Variants in STON1 observed in about 807,000 individuals in gnomAD.
STON1 encodes stonin 1.
Under a neutral mutation model 60.9 loss-of-function variants are expected in STON1, and 79 were observed. The observed-to-expected ratio is 1.30, with a 90% CI of 1.08 to 1.56. STON1 has a LOEUF of 1.56. Ranked by LOEUF, STON1 falls within the 40% of genes most tolerant of loss-of-function variation. The probability of loss-of-function intolerance (pLI) is 0.00; values close to 1 mark genes in which losing one functional copy is unlikely to be tolerated. For missense variants in STON1, 1,166 were observed against 858.9 expected (o/e 1.36, Z -4.47); for synonymous variants, 363 against 306.9 (o/e 1.18, Z -1.91).
At chr2:48,557,028 C>T (rs1165942167) in intron 1 of STON1, among the ~76,000 whole-genome samples, 9 of 98,726 alleles carry the variant, frequency 9.1e-5, no homozygotes, top group Non-Finnish European at 2.1e-5. Flanking sequence ...GGGGGCTGAC[C>T]CCCCACCTCC....
chr2:48,580,432 A>G (rs1225267768), intron 1 of STON1, among the ~76,000 whole-genome samples, 155 bp from the exon 2 acceptor site: 3 of 150,758 alleles, frequency 2.0e-5, no homozygotes, highest in Non-Finnish European at 4.4e-5. Context: ...AGTACCTTAT[A>G]GACAGCATAC....
chr2:48,558,148 G>A (rs1397431090), intron 1 of STON1, among the ~76,000 whole-genome samples: 7 of 152,198 alleles, frequency 4.6e-5, no homozygotes, highest in Admixed American at 1.3e-4. Context: ...GCTTGAACCC[G>A]GGAGGCAGAG....
chr2:48,548,494 CTTTT>C (rs371507131), intron 1 of STON1, among the ~76,000 whole-genome samples: 1 of 146,606 alleles, frequency 6.8e-6, no homozygotes, highest in African/African-American at 2.5e-5. Context: ...TTTCATTTTT[CTTTT>C]TTTTTTTCTT....
chr2:48,532,081 T>A (rs1671233576), intron 1 of STON1, among the ~76,000 whole-genome samples: 1 of 151,782 alleles, frequency 6.6e-6, no homozygotes, highest in Non-Finnish European at 1.5e-5. Context: ...GGGCACGGGG[T>A]TCATGCCTAT....
chr2:48,561,781 G>A (rs1413087740), intron 1 of STON1, among the ~76,000 whole-genome samples: 1 of 152,186 alleles, frequency 6.6e-6, no homozygotes, highest in Non-Finnish European at 1.5e-5. Context: ...AGTCCTGGGT[G>A]GTGGTAATGA....
chr2:48,530,719 C>T (rs1229383537), intron 1 of STON1: 3 of 152,424 alleles, frequency 2.0e-5, no homozygotes, highest in East Asian at 1.9e-4. Context: ...TCAGCTCGGA[C>T]CTTAGCCTGT....
chr2:48,552,065 G>C (rs780850881), intron 1 of STON1, among the ~76,000 whole-genome samples: 5 of 152,228 alleles, frequency 3.3e-5, no homozygotes, highest in African/African-American at 4.8e-5. Context: ...CCAGTGATCT[G>C]TTGCTGCAGA....
chr2:48,581,916 C>G lies in STON1; in HGVS notation c.1283C>G (p.Thr428Arg). The G allele has an allele frequency of 1.2e-6, 2 of 1,613,988 alleles. No homozygotes were observed. Among genetic ancestry groups the G allele is most frequent in the Non-Finnish European group, 1.7e-6 (2 of 1,179,994 alleles). ...EIVDNFWGKV[T>R]KEGKFVESAV... Reference sequence around the variant, plus strand: ...GTGGACAACTTTTGGGGTAAAGTCACAAAAGAAGGAAAATTTGTTGAAAGT... The same window carrying G: ...GTGGACAACTTTTGGGGTAAAGTCAGAAAAGAAGGAAAATTTGTTGAAAGT... Residue 428 changes from threonine (T) to arginine (R), a missense_variant, in exon 2 of 4, where the codon ACA (threonine) becomes AGA (arginine). Physicochemically the swap from Thr to Arg is moderately conservative, Grantham distance 71 (BLOSUM62 -1). Transcript: ENST00000404752.
Position 48,582,943 on chromosome 2 carries a change from C to T in STON1, c.1930+380C>T, listed in dbSNP as rs541644145. ...TAATTAATCTCTAAAGATCTGTCAT[C>T]CATGAATATACCTGAACTTCTTTGC... On this transcript the variant is annotated intron_variant, in intron 2 of 3. Transcript: ENST00000404752. Among the ~76,000 whole-genome samples the T allele has an allele frequency of 2.6e-3, 394 of 152,330 alleles. 1 individual carries two copies. Among genetic ancestry groups the T allele is most frequent in the Non-Finnish European group, 4.1e-3 (281 of 68,036 alleles).
intron 1 of STON1, among the ~76,000 whole-genome samples, chr2:48,575,759 GT>G (rs535300380): frequency 0.29 from 32,074 of 111,414 alleles, 4,457 homozygotes; most frequent in Non-Finnish European, 0.32. Flanking sequence ...GTTTTTGTTT[GT>G]TTTTTTTTTT....
intron 1 of STON1, among the ~76,000 whole-genome samples, chr2:48,539,488 G>A (rs1671570545): frequency 6.6e-6 from 1 of 151,948 alleles, no homozygotes; most frequent in African/African-American, 2.4e-5. Context: ...ACCCATGTGT[G>A]GTGTTATGAT....
chr2:48,566,846 G>A (rs1270252067), intron 1 of STON1, among the ~76,000 whole-genome samples: 1 of 152,158 alleles, frequency 6.6e-6, no homozygotes, highest in Admixed American at 6.5e-5. Flanking sequence ...GTGGTGGTGT[G>A]GCCTCGAGCC....
In STON1 at chr2:48,587,179, A is replaced by T. The variant is rs529321055; in HGVS notation, c.1931-4474A>T. ...TGTTGATGTTTATAAAGGCTCATGCAGCCGGGGTTGAGAACTACTGACGTG... is the reference window on the plus strand; with the variant it reads ...TGTTGATGTTTATAAAGGCTCATGCTGCCGGGGTTGAGAACTACTGACGTG... On this transcript the variant is annotated intron_variant, in intron 2 of 3. Coordinates refer to ENST00000404752, the MANE Select transcript of STON1 (RefSeq NM_006873.4). Among the ~76,000 whole-genome samples, 326 of 152,358 alleles carry T rather than the reference A, an allele frequency of 2.1e-3. 1 individual carries two copies. Among genetic ancestry groups the T allele is most frequent in the African/African-American group, 7.4e-3 (307 of 41,584 alleles).
At chr2:48,570,597 A>G (rs2103867952) in intron 1 of STON1, among the ~76,000 whole-genome samples, 1 of 152,282 alleles carries the variant, frequency 6.6e-6, no homozygotes, top group South Asian at 2.1e-4. Flanking sequence ...GTTGCAAACC[A>G]TTGTATACTA....
intron 1 of STON1, among the ~76,000 whole-genome samples, chr2:48,533,245 G>A (rs1671286434): frequency 6.6e-6 from 1 of 152,022 alleles, no homozygotes; most frequent in Non-Finnish European, 1.5e-5. Flanking sequence ...AGGTGGGCAT[G>A]GTGGCGGGCA....
At chr2:48,564,454 TCTTCTTCTTCTTCTTCTTCTTCTTC>T (rs1558604257) in intron 1 of STON1, among the ~76,000 whole-genome samples, 1 of 53,998 alleles carries the variant, frequency 1.9e-5, no homozygotes, top group African/African-American at 6.9e-5. Flanking sequence ...TTCTTCTTCT[TCTTCTTCTTCTTCTTCTTCTTCTTC>T]TTTCTTCTTC....
intron 1 of STON1, among the ~76,000 whole-genome samples, chr2:48,553,281 C>T (rs1198622039): frequency 6.6e-6 from 1 of 152,018 alleles, no homozygotes; most frequent in African/African-American, 2.4e-5. Flanking sequence ...CCTTGGAAAA[C>T]CTCCGGCCTG....
rs1435680547 is a variant in STON1, at chr2:48,581,848, A to G, written c.1215A>G (p.Lys405=). 9.9e-6 allele frequency: 16 copies of G among 1,614,168 alleles called. No individual in the cohort carries two copies. Among genetic ancestry groups the G allele is most frequent in the Non-Finnish European group, 1.4e-5 (16 of 1,180,034 alleles). ...EELMKLPAVS[K]PKKNYEEQEI... The stretch of plus-strand genomic sequence containing the variant: ...TGATGAAGTTGCCAGCTGTTTCAAA[A>G]CCAAAAAAGAACTACGAGGAGCAAG... Residue 405 remains lysine, a synonymous_variant, in exon 2 of 4, where the codon AAA becomes AAG. Transcript: ENST00000404752.
chr2:48,583,207 GC>G (rs1321956191), intron 2 of STON1, among the ~76,000 whole-genome samples: 1 of 152,194 alleles, frequency 6.6e-6, no homozygotes, highest in East Asian at 1.9e-4. Context: ...TCCTGCTTCA[GC>G]CTCCTCAGTA....
Sources: allele counts gnomAD v4.1 joint callset (sites outside exome capture counted in the v4.1 genomes callset), GRCh38; gene constraint gnomAD v4.1.1; transcripts MANE v1.5; gene names NCBI Gene and HGNC (gene_info 2026-07-23, HGNC 2026-07-21).